Variants in SEMA5A observed in about 807,000 individuals in gnomAD.
SEMA5A encodes the protein semaphorin-5A.
SEMA5A carries 55 observed loss-of-function variants against 135.5 expected under a neutral mutation model. The ratio of observed to expected loss-of-function variants is 0.41; its 90% CI spans 0.33 to 0.51. The LOEUF (loss-of-function observed/expected upper bound fraction) is 0.51. Among genes scored for constraint, SEMA5A ranks in the 20% least tolerant of loss-of-function variants. The pLI is 0.37. For missense variants in SEMA5A, 1,290 were observed against 1,419.9 expected, an observed-to-expected ratio of 0.91 and a Z score of 1.47; for synonymous variants, 580 against 546.5, an observed-to-expected ratio of 1.06 and a Z score of -0.85.
At chr5:9,287,340 A>G (rs1750848138) in intron 5 of SEMA5A, among the ~76,000 whole-genome samples, 1 of 152,162 alleles carries the variant, frequency 6.6e-6, no homozygotes, top group South Asian at 2.1e-4. Context: ...CACATAATAC[A>G]ATAGATATTA....
intron 5 of SEMA5A, among the ~76,000 whole-genome samples, chr5:9,276,934 A>G (rs1268181558): frequency 6.6e-6 from 1 of 152,234 alleles, no homozygotes; most frequent in Non-Finnish European, 1.5e-5. Context: ...ACCAAAAGCA[A>G]TGGCAACAAA....
chr5:9,462,954 G>A (rs183182884), intron 1 of SEMA5A, among the ~76,000 whole-genome samples: 164 of 144,690 alleles, frequency 1.1e-3, no homozygotes, highest in African/African-American at 3.9e-3. Flanking sequence ...TAACAAACCC[G>A]CACATGTATC....
At position 9,374,545 on chromosome 5, in the gene SEMA5A, G is replaced by A. The variant is rs375925998; in HGVS notation, c.124+5278C>T. Among the ~76,000 whole-genome samples the A allele has an allele frequency of 1.6e-4, 24 of 152,222 alleles. No homozygotes were observed. In the East Asian group the frequency reaches 2.1e-3, roughly 13 times the overall value. ...TGCCTTACAAAAAAGCGTTCACGGG[G>A]AGTCGCAGAGACCACTTGTTCAGCT... On this transcript the variant is annotated intron_variant, in intron 3 of 22. Transcript: ENST00000382496.
intron 19 of SEMA5A, among the ~76,000 whole-genome samples, chr5:9,052,623 C>T (rs1416869294): frequency 6.6e-6 from 1 of 152,104 alleles, no homozygotes; most frequent in African/African-American, 2.4e-5. Context: ...TAGAATTCAT[C>T]TTATCTCGTG....
intron 8 of SEMA5A, among the ~76,000 whole-genome samples, chr5:9,215,423 T>C (rs1746564828): frequency 6.6e-6 from 1 of 152,024 alleles, no homozygotes; most frequent in Admixed American, 6.6e-5. Context: ...GGAAACAGGG[T>C]CTCTGCAGAT....
At chr5:9,167,354 T>C (rs1579527413) in intron 11 of SEMA5A, among the ~76,000 whole-genome samples, 1 of 152,206 alleles carries the variant, frequency 6.6e-6, no homozygotes, top group Admixed American at 6.5e-5. Context: ...CGCATGCAAC[T>C]AGAACTCAGT....
In SEMA5A at chr5:9,379,889, C is replaced by T. The variant is rs370176472; in HGVS notation, c.58G>A (p.Ala20Thr). Residue 20 changes from alanine (A) to threonine (T), a missense_variant, in exon 3 of 23, where the codon GCC (alanine) becomes ACC (threonine). By Grantham distance (58) the Ala-to-Thr change is moderately conservative (BLOSUM62 0). Coordinates refer to ENST00000382496, the MANE Select transcript of SEMA5A (RefSeq NM_003966.3). ...GTCGTACCCTGGGCCTCTGGGTGGG[C>T]GAGTCTCCACAGCCCCAGGCTTGAG... ...LFSSLGLWRL[A>T]HPEAQGTTQC... The T allele has an allele frequency of 1.5e-4, 242 of 1,613,804 alleles. 1 individual carries two copies. The highest frequency in any genetic ancestry group is 1.9e-4 in the Non-Finnish European group (226 of 1,179,970).
At chr5:9,319,559 T>G (rs578205957) in intron 4 of SEMA5A, among the ~76,000 whole-genome samples, 8 of 152,132 alleles carry the variant, frequency 5.3e-5, no homozygotes, top group African/African-American at 1.9e-4. Context: ...CTAACTGAAA[T>G]CCTGGCATCA....
At chr5:9,179,645 A>G (rs1233497200) in intron 11 of SEMA5A, among the ~76,000 whole-genome samples, 1 of 152,256 alleles carries the variant, frequency 6.6e-6, no homozygotes, top group East Asian at 1.9e-4. Context: ...CAAAACAATT[A>G]GTTGTTTTTA....
chr5:9,312,602 G>A (rs1752193036), intron 5 of SEMA5A, among the ~76,000 whole-genome samples: 1 of 152,062 alleles, frequency 6.6e-6, no homozygotes, highest in Admixed American at 6.6e-5. Context: ...ATATTCATAT[G>A]GTCATGCCAA....
Position 9,064,167 on chromosome 5 carries a change from A to G in SEMA5A, c.2300-1062T>C, listed in dbSNP as rs143452789. 5.3e-4 allele frequency among the ~76,000 whole-genome samples: 81 copies of G among 152,314 alleles called. No individual in the cohort carries two copies. The East Asian group carries it at 0.012, about 22-fold the overall frequency. ...GAATTAGAATTGTCTGTCTGTGATA[A>G]ATTAGTATTCTGTGGTGAATCAATA... On this transcript the variant is annotated intron_variant, in intron 17 of 22. Transcript: ENST00000382496.
chr5:9,328,396 A>G (rs1752970763), intron 4 of SEMA5A, among the ~76,000 whole-genome samples: 1 of 152,248 alleles, frequency 6.6e-6, no homozygotes, highest in South Asian at 2.1e-4. Flanking sequence ...ATGTGAACAT[A>G]TAAATGTAGA....
chr5:9,226,886 C>A lies in SEMA5A; in HGVS notation c.415G>T (p.Val139Phe). The change falls in exon 7 of 23, where the codon GTC becomes TTC. Residue 139 changes from valine (V) to phenylalanine (F), a missense_variant. Val to Phe is a conservative substitution (Grantham distance 50, BLOSUM62 -1). This residue lies in a region of SEMA5A where 145 missense variants were observed against 212.0 expected (regional missense o/e 0.68). Coordinates refer to ENST00000382496, the MANE Select transcript of SEMA5A (RefSeq NM_003966.3). Reference protein sequence around the residue: ...FTCGTNAFTPVCTNRSLSNLT... With the variant: ...FTCGTNAFTPFCTNRSLSNLT... ...AGCCATACCGAGCGGTTGGTGCAGA[C>A]AGGCGTGAATGCATTGGTCCCACAG... 1 of 1,602,566 alleles carries A rather than the reference C, an allele frequency of 6.2e-7. No individual in the cohort carries two copies. The highest frequency in any genetic ancestry group is 1.1e-5 in the South Asian group (1 of 89,864).
chr5:9,182,103 T>C (rs1204605492), intron 11 of SEMA5A, among the ~76,000 whole-genome samples: 1 of 151,794 alleles, frequency 6.6e-6, no homozygotes. Flanking sequence ...CCTGTTTCGT[T>C]TTTTCCTATT....
At chr5:9,369,587 T>C (rs547459625) in intron 3 of SEMA5A, among the ~76,000 whole-genome samples, 113 of 152,342 alleles carry the variant, frequency 7.4e-4, no homozygotes, top group African/African-American at 2.4e-3. Context: ...GTACCACTTG[T>C]TGAAGACTAC....
intron 16 of SEMA5A, among the ~76,000 whole-genome samples, chr5:9,082,753 A>T (rs1401453959): frequency 6.6e-6 from 1 of 152,220 alleles, no homozygotes; most frequent in Non-Finnish European, 1.5e-5. Context: ...TGCAGACCAC[A>T]AAAGCATCAG....
chr5:9,444,505 G>A (rs1220356612), intron 1 of SEMA5A, among the ~76,000 whole-genome samples: 34 of 152,164 alleles, frequency 2.2e-4, no homozygotes, highest in Non-Finnish European at 1.5e-5. Context: ...CCAGGTCGCT[G>A]TGAATGCCAT....
chr5:9,182,891 C>A (rs914288727), intron 11 of SEMA5A, among the ~76,000 whole-genome samples: 4 of 152,100 alleles, frequency 2.6e-5, no homozygotes, highest in Admixed American at 6.6e-5. Flanking sequence ...CATGTAACTT[C>A]TTTTCTTTAC....
chr5:9,090,519 C>G (rs1226483197), intron 16 of SEMA5A, among the ~76,000 whole-genome samples: 1 of 152,198 alleles, frequency 6.6e-6, no homozygotes, highest in African/African-American at 2.4e-5. Flanking sequence ...TGTCTCCTTA[C>G]AAATATGATG....
Sources: gnomAD v4.1 joint callset for allele counts (sites outside exome capture counted in the v4.1 genomes callset) on GRCh38, gnomAD v4.1.1 for gene constraint, gnomAD v4.1.1 regional missense constraint, MANE v1.5 for transcripts, NCBI Gene and HGNC (gene_info 2026-07-23, HGNC 2026-07-21) for gene names.